VAT1L: variants seen among roughly 807,000 people sequenced by gnomAD.
VAT1L encodes the protein putative NADPH-dependent quinone oxidoreductase VAT1L.
VAT1L carries 34 observed loss-of-function variants against 44.1 expected under a neutral mutation model. The observed-to-expected ratio is 0.77, with a 90% confidence interval of 0.59 to 1.03. The LOEUF (loss-of-function observed/expected upper bound fraction) is 1.03, where lower values mean the gene tolerates loss of function less well. VAT1L is among the 50% of genes least tolerant of loss of function. The pLI is 0.00. For synonymous variants in VAT1L, 253 were observed against 202.2 expected, an observed-to-expected ratio of 1.25 and a Z score of -2.13; for missense variants, 615 against 538.8, an observed-to-expected ratio of 1.14 and a Z score of -1.40.
At chr16:77,864,741 AG>A (rs1243347553) in intron 4 of VAT1L, among the ~76,000 whole-genome samples, 2 of 152,136 alleles carry the variant, frequency 1.3e-5, no homozygotes, top group Non-Finnish European at 1.5e-5. Context: ...CTTGAAAAGG[AG>A]GGGGTTCTGA....
At chr16:77,857,807 G>A (rs2016874364) in intron 3 of VAT1L, among the ~76,000 whole-genome samples, 1 of 148,640 alleles carries the variant, frequency 6.7e-6, no homozygotes, top group Non-Finnish European at 1.5e-5. Flanking sequence ...AAGTACATAA[G>A]TGATTTGGAT....
intron 7 of VAT1L, among the ~76,000 whole-genome samples, chr16:77,969,916 T>C (rs2018260721): frequency 6.6e-6 from 1 of 151,894 alleles, no homozygotes; most frequent in African/African-American, 2.4e-5. Context: ...TATGACACTA[T>C]TAATCAGAGA....
chr16:77,952,187 G>C lies in VAT1L; in HGVS notation c.1078-19663G>C, dbSNP rs550849718. 3.9e-5 allele frequency among the ~76,000 whole-genome samples: 6 copies of C among 152,330 alleles called. No homozygotes were observed. The South Asian group carries it at 1.2e-3, about 32-fold the overall frequency. On this transcript the variant is annotated intron_variant, in intron 7 of 8. Transcript: ENST00000302536. Reference sequence around the variant, plus strand: ...GGTTGTAGAAGATTTATGTCTTAAAGGAGCAAAAATAATTTACAATATCAA... The same window carrying C: ...GGTTGTAGAAGATTTATGTCTTAAACGAGCAAAAATAATTTACAATATCAA...
At chr16:77,957,539 A>T (rs2018116633) in intron 7 of VAT1L, among the ~76,000 whole-genome samples, 1 of 152,030 alleles carries the variant, frequency 6.6e-6, no homozygotes, top group South Asian at 2.1e-4. Context: ...ATCCAGGCCA[A>T]CATGGTGAAA....
intron 7 of VAT1L, among the ~76,000 whole-genome samples, chr16:77,956,058 T>A (rs888472341): frequency 1.3e-5 from 2 of 152,068 alleles, no homozygotes; most frequent in African/African-American, 4.8e-5. Context: ...TTGTATATTT[T>A]AAAATAACTA....
At chr16:77,948,942 G>A (rs867907556) in intron 7 of VAT1L, among the ~76,000 whole-genome samples, 5 of 152,148 alleles carry the variant, frequency 3.3e-5, no homozygotes, top group South Asian at 4.1e-4. Flanking sequence ...TGTGCTAAGG[G>A]GTCGGTGTCA....
chr16:77,871,521 G>T (rs1437144988), intron 4 of VAT1L, among the ~76,000 whole-genome samples: 3 of 152,144 alleles, frequency 2.0e-5, no homozygotes, highest in Non-Finnish European at 4.4e-5. Flanking sequence ...CTTACCCTAT[G>T]AAACCCTAAT....
At chr16:77,829,653 AG>A (rs1421469201) in intron 3 of VAT1L, among the ~76,000 whole-genome samples, 2 of 152,192 alleles carry the variant, frequency 1.3e-5, no homozygotes, top group African/African-American at 4.8e-5. Flanking sequence ...AATCCTTTAA[AG>A]GAAAAGTAAC....
chr16:77,942,159 C>T (rs1312247481), intron 7 of VAT1L, among the ~76,000 whole-genome samples: 1 of 152,146 alleles, frequency 6.6e-6, no homozygotes, highest in Non-Finnish European at 1.5e-5. Context: ...CTCACAGTTC[C>T]ATGTGGCTGG....
rs2018373397 is a variant in VAT1L at position 77,979,211 on chromosome 16, T to A, written c.*1516T>A. ...CTATCCTAAGCTTATGATGATGAGT[T>A]ATGTATGCCAAATACTTATCTGAAG... On this transcript the variant is annotated 3_prime_UTR_variant, in exon 9 of 9. Transcript: ENST00000302536. The A allele has an allele frequency of 6.6e-6, 1 of 152,594 alleles. No individual in the cohort carries two copies. Among genetic ancestry groups the A allele is most frequent in the South Asian group, 2.1e-4 (1 of 4,822 alleles). 9.5% of individuals were successfully genotyped at this position (152,594 alleles called of 1,614,324 possible).
intron 3 of VAT1L, among the ~76,000 whole-genome samples, chr16:77,851,499 T>C (rs1442607878): frequency 6.6e-6 from 1 of 151,908 alleles, no homozygotes; most frequent in Non-Finnish European, 1.5e-5. Flanking sequence ...AAAAATTGTT[T>C]TAAATTACCC....
At chr16:77,946,276 G>GCTCTTTTTTTTTTTTTTTTTT (rs1441996306) in intron 7 of VAT1L, among the ~76,000 whole-genome samples, 2 of 33,862 alleles carry the variant, frequency 5.9e-5, no homozygotes, top group Non-Finnish European at 1.1e-4. Flanking sequence ...TAGGTTACTT[G>GCTCTTTTTTTTTTTTTTTTTT]TTCTTTTTTT....
intron 5 of VAT1L, among the ~76,000 whole-genome samples, chr16:77,876,837 TG>T (rs1340752139): frequency 2.0e-5 from 3 of 152,162 alleles, no homozygotes; most frequent in African/African-American, 7.2e-5. Flanking sequence ...CACAGTAGGA[TG>T]GGGAAGAGTG....
At chr16:77,886,900 TATGTGTGTGTATGTACACATAC>T (rs1449341021) in intron 7 of VAT1L, among the ~76,000 whole-genome samples, 3 of 152,222 alleles carry the variant, frequency 2.0e-5, no homozygotes, top group African/African-American at 7.2e-5. Flanking sequence ...TACTACCATA[TATGTGTGTGTATGTACACATAC>T]ATGTGTGTTT....
chr16:77,802,413 A>G (rs934733700), intron 1 of VAT1L, among the ~76,000 whole-genome samples: 4 of 152,140 alleles, frequency 2.6e-5, no homozygotes, highest in East Asian at 1.9e-4. Context: ...TCAGGAGTTC[A>G]AGACCAGCCT....
At chr16:77,859,219 G>A (rs2016891605) in intron 3 of VAT1L, among the ~76,000 whole-genome samples, 1 of 151,884 alleles carries the variant, frequency 6.6e-6, no homozygotes, top group South Asian at 2.1e-4. Flanking sequence ...AGGATCACTT[G>A]AGCCCAGGAG....
chr16:77,957,407 A>G (rs1031753749), intron 7 of VAT1L, among the ~76,000 whole-genome samples: 3 of 152,192 alleles, frequency 2.0e-5, no homozygotes, highest in African/African-American at 4.8e-5. Context: ...TTTTGTTGAA[A>G]GATTCAAAGC....
At chr16:77,806,797 TC>T (rs1486272238) in intron 1 of VAT1L, among the ~76,000 whole-genome samples, 1 of 152,152 alleles carries the variant, frequency 6.6e-6, no homozygotes, top group East Asian at 1.9e-4. Context: ...AGCTGTCATA[TC>T]ATAGCAAAAA....
At chr16:77,921,305 G>C (rs568907484) in intron 7 of VAT1L, among the ~76,000 whole-genome samples, 121 of 152,280 alleles carry the variant, frequency 7.9e-4, no homozygotes, top group African/African-American at 2.7e-3. Context: ...ACAATATGTT[G>C]ACATTCCCCT....
Sources: allele counts gnomAD v4.1 joint callset (sites outside exome capture counted in the v4.1 genomes callset), GRCh38; gene constraint gnomAD v4.1.1; transcripts MANE v1.5; gene names NCBI Gene and HGNC (gene_info 2026-07-23, HGNC 2026-07-21).